Variants in GRAMD1B observed in about 807,000 individuals in gnomAD.
GRAMD1B encodes the protein protein Aster-B.
Under a neutral mutation model 99.7 loss-of-function variants are expected in GRAMD1B, and 37 were observed. The observed-to-expected ratio is 0.37, with a 90% confidence interval of 0.29 to 0.49. The LOEUF (loss-of-function observed/expected upper bound fraction) is 0.49, where lower values mean the gene tolerates loss of function less well. GRAMD1B is among the 20% of genes least tolerant of loss of function. The probability of loss-of-function intolerance (pLI) is 0.98; values close to 1 mark genes in which losing one functional copy is unlikely to be tolerated. For synonymous variants in GRAMD1B, 427 were observed against 387.6 expected, an observed-to-expected ratio of 1.10 and a Z score of -1.19; for missense variants, 888 against 1,009.2, an observed-to-expected ratio of 0.88 and a Z score of 1.63.
At chr11:123,480,216 C>A (rs1003542945) in intron 1 of GRAMD1B, among the ~76,000 whole-genome samples, 1 of 152,120 alleles carries the variant, frequency 6.6e-6, no homozygotes, top group African/African-American at 2.4e-5. Context: ...GGAGAGTCCA[C>A]CCTTTATTCC....
chr11:123,403,850 T>C (rs1332489842), intron 1 of GRAMD1B, among the ~76,000 whole-genome samples: 3 of 152,100 alleles, frequency 2.0e-5, no homozygotes, highest in African/African-American at 7.2e-5. Flanking sequence ...GGCCTGCTTG[T>C]CATTAGTTTT....
intron 2 of GRAMD1B, among the ~76,000 whole-genome samples, chr11:123,519,026 C>T (rs751588847): frequency 2.6e-5 from 4 of 152,188 alleles, no homozygotes; most frequent in Non-Finnish European, 5.9e-5. Flanking sequence ...CAAACAGCCC[C>T]GCTTTGCTCT....
intron 2 of GRAMD1B, among the ~76,000 whole-genome samples, chr11:123,485,185 A>G (rs1951822779): frequency 6.6e-6 from 1 of 152,200 alleles, no homozygotes; most frequent in Non-Finnish European, 1.5e-5. Context: ...TTTCCAAACC[A>G]TATCATCAAT....
At chr11:123,611,825 A>C (rs1035065032) in intron 14 of GRAMD1B, among the ~76,000 whole-genome samples, 11 of 140,862 alleles carry the variant, frequency 7.8e-5, no homozygotes, top group African/African-American at 2.5e-4. Flanking sequence ...GAGGAGGGGG[A>C]TGAGGCTGGG....
intron 11 of GRAMD1B, chr11:123,607,823 G>A (rs867314121): frequency 6.7e-6 from 1 of 150,006 alleles, no homozygotes; most frequent in East Asian, 1.9e-4. Flanking sequence ...CCAAGGGTTC[G>A]GGGGGGAGCA....
In GRAMD1B at chr11:123,539,707, A is replaced by G. The variant is rs180679709; in HGVS notation, c.453-37660A>G. 4.0e-3 allele frequency among the ~76,000 whole-genome samples: 610 copies of G among 152,300 alleles called. 10 individuals carry two copies. The highest frequency in any genetic ancestry group is 0.032 in the Admixed American group (490 of 15,298). On this transcript the variant is annotated intron_variant, in intron 2 of 19. Coordinates refer to ENST00000635736, the MANE Select transcript of GRAMD1B (RefSeq NM_001387025.1). The stretch of plus-strand genomic sequence containing the variant: ...GCAGGGTGTTCTCTTGGCTGTCCCC[A>G]TCCTGACTGTCCAGCCTCATCACTC...
intron 7 of GRAMD1B, among the ~76,000 whole-genome samples, chr11:123,596,510 G>A (rs867104129): frequency 1.3e-5 from 2 of 152,296 alleles, no homozygotes; most frequent in Middle Eastern, 3.4e-3. Flanking sequence ...TATCAGTATG[G>A]GGAGAATACG....
At chr11:123,475,623 AGTCATCCG>A (rs1360975534) in intron 1 of GRAMD1B, among the ~76,000 whole-genome samples, 14 of 152,226 alleles carry the variant, frequency 9.2e-5, no homozygotes, top group African/African-American at 3.1e-4. Context: ...GCCATCTTTC[AGTCATCCG>A]GTGCCCAGGC....
intron 2 of GRAMD1B, among the ~76,000 whole-genome samples, chr11:123,499,399 C>T (rs1261296537): frequency 6.6e-6 from 1 of 152,094 alleles, no homozygotes. Flanking sequence ...ATTCTGTTAT[C>T]GCAACAGAAA....
rs2137213873 is a variant in GRAMD1B, at chr11:123,627,545, C to G, written c.*4950C>G. On this transcript the variant is annotated 3_prime_UTR_variant, in exon 20 of 20. Coordinates refer to ENST00000635736, the MANE Select transcript of GRAMD1B (RefSeq NM_001387025.1). Reference sequence around the variant, plus strand: ...AGAGGGAGCAGCCCCAACACCTGCACTGGGCCATCTATGGGAAAGAACACG... The same window carrying G: ...AGAGGGAGCAGCCCCAACACCTGCAGTGGGCCATCTATGGGAAAGAACACG... The G allele has an allele frequency of 6.6e-6, 1 of 152,478 alleles. No individual in the cohort carries two copies. Among genetic ancestry groups the G allele is most frequent in the Admixed American group, 6.5e-5 (1 of 15,312 alleles). 9.4% of individuals were successfully genotyped at this position (152,478 alleles called of 1,614,324 possible). A position where few individuals can be genotyped will look rare whatever the true frequency, so the allele number is the denominator to read the frequency against.
At chr11:123,358,727 G>A (rs1946036424) in exon 1 of GRAMD1B, 1 of 152,652 alleles carries the variant, frequency 6.6e-6, no homozygotes, top group Admixed American at 6.5e-5. Flanking sequence ...AGCAGCTGGT[G>A]TGCCGTGGAC....
chr11:123,542,009 A>G (rs191895743), intron 2 of GRAMD1B, among the ~76,000 whole-genome samples: 1 of 152,358 alleles, frequency 6.6e-6, no homozygotes, highest in East Asian at 1.9e-4. Flanking sequence ...TACCCCTTCC[A>G]GAGTGTGACT....
In GRAMD1B at chr11:123,490,726, C is replaced by T. The variant is rs369174181; in HGVS notation, c.452+9833C>T. Among the ~76,000 whole-genome samples, 5 of 152,228 alleles carry T rather than the reference C, an allele frequency of 3.3e-5. No individual in the cohort carries two copies. In the East Asian group the frequency reaches 7.7e-4, roughly 24 times the overall value. ...AGTTGAGTCCTAGGATTCCAGCTTG[C>T]TCAGCTAGGGGGTGCCATCTATTGA... On this transcript the variant is annotated intron_variant, in intron 2 of 19. Coordinates refer to ENST00000635736, the MANE Select transcript of GRAMD1B (RefSeq NM_001387025.1).
chr11:123,382,721 G>A lies in GRAMD1B; in HGVS notation c.-176+23922G>A, dbSNP rs138492744. 6.0e-3 allele frequency among the ~76,000 whole-genome samples: 921 copies of A among 152,276 alleles called. 11 individuals carry two copies. Among genetic ancestry groups the A allele is most frequent in the African/African-American group, 0.021 (882 of 41,558 alleles). On this transcript the variant is annotated intron_variant, in intron 1 of 20. Transcript: ENST00000638157. ...ACACTCGGATAGGGTAATGGGGGGC[G>A]TTTAAGAAAGGGACTCTCTTTAAAG...
At chr11:123,453,847 A>T (rs1949996115) in intron 1 of GRAMD1B, among the ~76,000 whole-genome samples, 2 of 152,216 alleles carry the variant, frequency 1.3e-5, no homozygotes, top group Admixed American at 1.3e-4. Flanking sequence ...AGGGCTGAGC[A>T]ATGGAGCATC....
intron 19 of GRAMD1B, chr11:123,619,600 T>C: frequency 9.8e-7 from 1 of 1,016,944 alleles, no homozygotes; most frequent in South Asian, 1.9e-5. Flanking sequence ...TGTCTTTGAG[T>C]TTTTTCAAAT....
rs368993951 is a variant in GRAMD1B, at chr11:123,432,402, C to A, written c.374+1236C>A. ...CGAAACTCCATTTCTGTTAAAAGTA[C>A]AAAAATTAGCTGGGTGTAGTGGCAG... is the stretch of plus-strand genomic sequence containing the variant. On this transcript the variant is annotated intron_variant, in intron 1 of 19. Transcript: ENST00000635736. Among the ~76,000 whole-genome samples, 14 of 152,048 alleles carry A rather than the reference C, an allele frequency of 9.2e-5. No individual in the cohort carries two copies. In the East Asian group the frequency reaches 2.7e-3, roughly 30 times the overall value.
At chr11:123,439,694 C>T (rs1049523884) in intron 1 of GRAMD1B, among the ~76,000 whole-genome samples, 1 of 152,166 alleles carries the variant, frequency 6.6e-6, no homozygotes, top group Non-Finnish European at 1.5e-5. Flanking sequence ...AGTGCAGGGT[C>T]AGAGCTGAAA....
chr11:123,456,333 C>T (rs1298849941), intron 1 of GRAMD1B, among the ~76,000 whole-genome samples: 1 of 152,048 alleles, frequency 6.6e-6, no homozygotes, highest in Non-Finnish European at 1.5e-5. Context: ...GTTTGACATT[C>T]TTGTTCTCTA....
Sources: gnomAD v4.1 joint callset for allele counts (sites outside exome capture counted in the v4.1 genomes callset) on GRCh38, gnomAD v4.1.1 for gene constraint, MANE v1.5 for transcripts, NCBI Gene and HGNC (gene_info 2026-07-23, HGNC 2026-07-21) for gene names.